Variants in SEMA3F observed in about 807,000 individuals in gnomAD.
SEMA3F encodes semaphorin-3F.
A neutral mutation model predicts 98.5 loss-of-function variants in SEMA3F; 30 were observed. The ratio of observed to expected loss-of-function variants is 0.30; its 90% CI spans 0.23 to 0.41. The LOEUF (loss-of-function observed/expected upper bound fraction) is 0.41, where lower values mean the gene tolerates loss of function less well. Among genes scored for constraint, SEMA3F ranks in the 10% least tolerant of loss-of-function variants. The pLI, the probability that SEMA3F is intolerant of heterozygous loss-of-function variation, is 1.00. For synonymous variants in SEMA3F, 380 were observed against 444.8 expected, an observed-to-expected ratio of 0.85 and a Z score of 1.83; for missense variants, 866 against 1,119.3, an observed-to-expected ratio of 0.77 and a Z score of 3.23.
intron 2 of SEMA3F, among the ~76,000 whole-genome samples, chr3:50,160,878 C>T (rs905264775): frequency 6.6e-6 from 1 of 152,160 alleles, no homozygotes; most frequent in African/African-American, 2.4e-5. Flanking sequence ...TCTTCCCAGT[C>T]ACCCGGCTCC....
chr3:50,174,953 T>C (rs1199897749), intron 5 of SEMA3F, 143 bp from the exon 6 acceptor site: 2 of 652,644 alleles, frequency 3.1e-6, no homozygotes, highest in Non-Finnish European at 5.7e-6. Context: ...TGTGTATGTA[T>C]GTACACACGC....
intron 7 of SEMA3F, among the ~76,000 whole-genome samples, chr3:50,178,823 CTTTTTCTTT>C (rs1237614231): frequency 7.8e-6 from 1 of 128,398 alleles, no homozygotes; most frequent in Non-Finnish European, 1.6e-5. Flanking sequence ...TTGCAAAATT[CTTTTTCTTT>C]TTTTTTTTTT....
rs1442524421 is a variant in SEMA3F at position 50,158,628 on chromosome 3, A to G, written c.-48-947A>G. Among the ~76,000 whole-genome samples, 1 of 152,056 alleles carries G rather than the reference A, an allele frequency of 6.6e-6. No individual in the cohort carries two copies. The highest frequency in any genetic ancestry group is 1.5e-5 in the Non-Finnish European group (1 of 68,010). On this transcript the variant is annotated intron_variant, in intron 1 of 18. Coordinates refer to ENST00000002829, the MANE Select transcript of SEMA3F (RefSeq NM_004186.5). The surrounding 1 kb of genome is among the most constrained non-coding windows in gnomAD (Gnocchi z 4.8). ...GGCAGATCTGGGGGATGGGGCTCAC[A>G]TTTTCAGTCTCGATGCCCCCACCCG... is the stretch of plus-strand genomic sequence containing the variant.
chr3:50,169,713 C>T (rs1241028520), intron 2 of SEMA3F, among the ~76,000 whole-genome samples: 5 of 152,224 alleles, frequency 3.3e-5, no homozygotes, highest in Admixed American at 1.3e-4. Flanking sequence ...CTGCCAGAGC[C>T]GGGCGTGGGA....
chr3:50,186,075 A>G (rs1242877927), intron 16 of SEMA3F, 29 bp downstream of exon 16: 1 of 1,585,948 alleles, frequency 6.3e-7, no homozygotes, highest in Admixed American at 1.8e-5. Context: ...CTAGAATTTT[A>G]GCAACCAGTC....
Position 50,174,033 on chromosome 3 carries a change from C to CT in SEMA3F, c.274-18dup. ...GGGCATGTCCAGAAGGCTGCACCTT[C>CT]TGACCCCCCTCTCTGCAGATACACT... On this transcript the variant is annotated intron_variant, in intron 3 of 18. Coordinates refer to ENST00000002829, the MANE Select transcript of SEMA3F (RefSeq NM_004186.5). 1 of 1,614,108 alleles carries CT rather than the reference C, an allele frequency of 6.2e-7. No homozygotes were observed.
rs1034081271 is a variant in SEMA3F, at chr3:50,166,595, T to C, written c.112+6861T>C. ...GCACCTGTCTGCCCTGTGCCTCGGTTTCTCCATCAGAATGTTGGGGAGGGG... is the reference window on the plus strand; with the variant it reads ...GCACCTGTCTGCCCTGTGCCTCGGTCTCTCCATCAGAATGTTGGGGAGGGG... On this transcript the variant is annotated intron_variant, in intron 2 of 18. Transcript: ENST00000002829. This position sits in a 1 kb window ranked among gnomAD's most constrained non-coding sequence, Gnocchi z 4.7. Among the ~76,000 whole-genome samples, 4 of 152,276 alleles carry C rather than the reference T, an allele frequency of 2.6e-5. No individual in the cohort carries two copies. The highest frequency in any genetic ancestry group is 9.6e-5 in the African/African-American group (4 of 41,536).
In SEMA3F at chr3:50,159,639, T is replaced by A; in HGVS notation, c.17T>A (p.Leu6His). MLVAG[L>H]LLWASLLTGA... is the part of the protein sequence containing the mutation. The stretch of plus-strand genomic sequence containing the variant: ...CCTCCCACAATGCTTGTCGCCGGTC[T>A]TCTTCTCTGGGCTTCCCTACTGACC... Residue 6 changes from leucine (L) to histidine (H), a missense_variant, in exon 2 of 19, where the codon CTT (leucine) becomes CAT (histidine). Physicochemically the swap from Leu to His is moderately conservative, Grantham distance 99. This residue lies in a region of SEMA3F where 247 missense variants were observed against 276.0 expected (regional missense o/e 0.89). Coordinates refer to ENST00000002829, the MANE Select transcript of SEMA3F (RefSeq NM_004186.5). 1 of 1,611,170 alleles carries A rather than the reference T, an allele frequency of 6.2e-7. No homozygotes were observed. The highest frequency in any genetic ancestry group is 8.5e-7 in the Non-Finnish European group (1 of 1,178,600).
intron 15 of SEMA3F, 56 bp downstream of exon 15, chr3:50,185,763 G>A: frequency 6.2e-7 from 1 of 1,610,226 alleles, no homozygotes. Flanking sequence ...TCCCCTCAGG[G>A]TCATGCCCTT....
intron 2 of SEMA3F, among the ~76,000 whole-genome samples, chr3:50,162,188 A>C (rs1266303415): frequency 6.6e-6 from 1 of 152,196 alleles, no homozygotes; most frequent in East Asian, 1.9e-4. Flanking sequence ...GGACCCTCCA[A>C]GCTAGAGGTG....
rs1575365350 is a variant in SEMA3F, at chr3:50,155,597, A to G, written c.-49+33A>G. On this transcript the variant is annotated intron_variant, in intron 1 of 18. Coordinates refer to ENST00000002829, the MANE Select transcript of SEMA3F (RefSeq NM_004186.5). This position sits in a 1 kb window ranked among gnomAD's most constrained non-coding sequence, Gnocchi z 4.9. ...CAGCGGGAACCGGGAGGGAGCGGGC[A>G]GGCGGCCGGGCCACCCCGCGACCCC... is the stretch of plus-strand genomic sequence containing the variant. 7.0e-6 allele frequency: 2 copies of G among 283,884 alleles called. No individual in the cohort carries two copies. 17.6% of individuals were successfully genotyped at this position (283,884 alleles called of 1,614,324 possible).
intron 7 of SEMA3F, among the ~76,000 whole-genome samples, chr3:50,177,762 C>G (rs913254749): frequency 6.6e-6 from 1 of 152,170 alleles, no homozygotes; most frequent in Admixed American, 6.5e-5. Flanking sequence ...TGGCTCACAC[C>G]TATAATCCCA....
chr3:50,181,902 G>C (rs1699030884), intron 7 of SEMA3F, among the ~76,000 whole-genome samples: 2 of 152,362 alleles, frequency 1.3e-5, no homozygotes, highest in South Asian at 4.1e-4. Context: ...TTATAGGCAT[G>C]AGCCACTGCA....
chr3:50,181,354 A>C (rs1293383667), intron 7 of SEMA3F, among the ~76,000 whole-genome samples: 1 of 149,386 alleles, frequency 6.7e-6, no homozygotes, highest in Non-Finnish European at 1.5e-5. Context: ...CGGTTGTCTC[A>C]CTGTGTCACC....
intron 2 of SEMA3F, among the ~76,000 whole-genome samples, chr3:50,170,834 C>G (rs1166840591): frequency 6.6e-6 from 1 of 152,136 alleles, no homozygotes; most frequent in Non-Finnish European, 1.5e-5. Context: ...CAAAGCGTCA[C>G]GTCCTGTGAC....
At chr3:50,175,744 C>T (rs912580664) in intron 6 of SEMA3F, among the ~76,000 whole-genome samples, 3 of 151,892 alleles carry the variant, frequency 2.0e-5, no homozygotes, top group Admixed American at 6.6e-5. Flanking sequence ...CAGGGGCTGC[C>T]GGTGAATGAC....
chr3:50,183,992 G>A (rs1699116454), intron 12 of SEMA3F, among the ~76,000 whole-genome samples: 1 of 152,170 alleles, frequency 6.6e-6, no homozygotes, highest in Non-Finnish European at 1.5e-5. Flanking sequence ...GGCTGATGTG[G>A]GAGCCTAAGC....
intron 2 of SEMA3F, among the ~76,000 whole-genome samples, chr3:50,161,816 C>T (rs1322957919): frequency 6.6e-6 from 1 of 152,202 alleles, no homozygotes; most frequent in African/African-American, 2.4e-5. Flanking sequence ...CTGCTGTGTA[C>T]CAGGCCCTGT....
At chr3:50,173,517 C>T (rs1329102159) in intron 2 of SEMA3F, 27 of 429,548 alleles carry the variant, frequency 6.3e-5, no homozygotes, top group Non-Finnish European at 7.9e-5. Context: ...TGGCTGACGC[C>T]TGTAATCCCA....
Sources: allele counts gnomAD v4.1 joint callset (sites outside exome capture counted in the v4.1 genomes callset), GRCh38; gene constraint gnomAD v4.1.1; regional missense constraint gnomAD v4.1.1; non-coding constraint Gnocchi (gnomAD v3.1); transcripts MANE v1.5; gene names NCBI Gene and HGNC (gene_info 2026-07-23, HGNC 2026-07-21).